The following PAK5 variants were observed in gnomAD, a reference collection of about 807,000 sequenced individuals.
PAK5 encodes the protein serine/threonine-protein kinase PAK 5.
In PAK5, 16 loss-of-function variants were observed where a neutral mutation model predicts 65.9. The observed-to-expected ratio is 0.24, with a 90% CI of 0.16 to 0.37. The LOEUF (loss-of-function observed/expected upper bound fraction) is 0.37, where lower values mean the gene tolerates loss of function less well. PAK5 is among the 10% of genes least tolerant of loss of function. The pLI is 1.00. For synonymous variants in PAK5, 371 were observed against 354.9 expected, an observed-to-expected ratio of 1.05 and a Z score of -0.51; for missense variants, 785 against 903.9, an observed-to-expected ratio of 0.87 and a Z score of 1.69.
At chr20:9,708,167 G>C (rs1425539498) in intron 2 of PAK5, among the ~76,000 whole-genome samples, 1 of 152,116 alleles carries the variant, frequency 6.6e-6, no homozygotes, top group Non-Finnish European at 1.5e-5. Flanking sequence ...TAATAGATGA[G>C]TGTCAGAAAA....
At chr20:9,718,216 G>A (rs2048172685) in intron 1 of PAK5, among the ~76,000 whole-genome samples, 1 of 151,718 alleles carries the variant, frequency 6.6e-6, no homozygotes, top group African/African-American at 2.4e-5. Flanking sequence ...AAAATTCTAT[G>A]GTATATAAAA....
chr20:9,641,359 AGT>A lies in PAK5; in HGVS notation c.204+2764_204+2765del, dbSNP rs549911191. 7.5e-3 allele frequency among the ~76,000 whole-genome samples: 1,121 copies of A among 149,206 alleles called. 26 individuals carry two copies. Among genetic ancestry groups the A allele is most frequent in the African/African-American group, 0.027 (1,051 of 39,342 alleles). ...GCCCCACCAGAGCAGCTAGATACAG[AGT>A]GTCGACTGGTGCACTCACAAACCTT... On this transcript the variant is annotated intron_variant, in intron 3 of 9. Transcript: ENST00000353224.
chr20:9,603,786 T>C lies in PAK5; in HGVS notation c.205-22856A>G, dbSNP rs184900971. On this transcript the variant is annotated intron_variant, in intron 3 of 9. Transcript: ENST00000353224. ...TAATCTCCATAACAACCGTATGAGA[T>C]TTGCACTATTATCCCCATTTTACAG... is the stretch of plus-strand genomic sequence containing the variant. Among the ~76,000 whole-genome samples the C allele has an allele frequency of 5.9e-5, 9 of 152,242 alleles. 1 individual carries two copies.
At chr20:9,724,493 A>G (rs2048253605) in intron 1 of PAK5, among the ~76,000 whole-genome samples, 1 of 152,204 alleles carries the variant, frequency 6.6e-6, no homozygotes, top group Non-Finnish European at 1.5e-5. Flanking sequence ...CCCTAGAAAT[A>G]TGTTCACATG....
intron 3 of PAK5, among the ~76,000 whole-genome samples, chr20:9,636,335 T>C (rs17408288): frequency 0.029 from 4,440 of 152,174 alleles, 77 homozygotes; most frequent in Non-Finnish European, 0.045. Context: ...TAAACTACGA[T>C]GGGAGAGAAA....
chr20:9,747,276 T>C (rs2048519464), intron 1 of PAK5, among the ~76,000 whole-genome samples: 1 of 152,088 alleles, frequency 6.6e-6, no homozygotes, highest in African/African-American at 2.4e-5. Context: ...ACTGGTACCA[T>C]TCCTTCTGAA....
At chr20:9,767,910 A>T (rs1264832567) in intron 1 of PAK5, among the ~76,000 whole-genome samples, 1 of 152,196 alleles carries the variant, frequency 6.6e-6, no homozygotes, top group Non-Finnish European at 1.5e-5. Flanking sequence ...GCACCAGGGA[A>T]TACTATGCAA....
intron 1 of PAK5, among the ~76,000 whole-genome samples, chr20:9,752,733 T>C (rs6056842): frequency 0.039 from 5,989 of 152,224 alleles, 401 homozygotes; most frequent in African/African-American, 0.13. Context: ...AGGCAGACTG[T>C]AAAAATGACC....
intron 1 of PAK5, among the ~76,000 whole-genome samples, chr20:9,773,582 G>A (rs1347326091): frequency 6.6e-6 from 1 of 152,044 alleles, no homozygotes; most frequent in Non-Finnish European, 1.5e-5. Context: ...GACTTGATGT[G>A]GCTAGGAAGT....
intron 1 of PAK5, among the ~76,000 whole-genome samples, chr20:9,817,992 T>C (rs1315709236): frequency 6.6e-6 from 1 of 152,162 alleles, no homozygotes; most frequent in Non-Finnish European, 1.5e-5. Flanking sequence ...CTAAAACAAA[T>C]ACTCAACTCC....
chr20:9,788,773 T>C (rs1028957632), intron 1 of PAK5, among the ~76,000 whole-genome samples: 1 of 152,136 alleles, frequency 6.6e-6, no homozygotes, highest in African/African-American at 2.4e-5. Flanking sequence ...ACAAAGGGGT[T>C]CCAAGATTCA....
intron 2 of PAK5, among the ~76,000 whole-genome samples, chr20:9,645,975 T>G (rs923515095): frequency 1.3e-5 from 2 of 152,228 alleles, no homozygotes; most frequent in Admixed American, 6.5e-5. Context: ...TCAGTGTCTG[T>G]TTTAACTACT....
At chr20:9,811,665 T>A (rs2049299894) in intron 1 of PAK5, among the ~76,000 whole-genome samples, 1 of 152,214 alleles carries the variant, frequency 6.6e-6, no homozygotes, top group South Asian at 2.1e-4. Context: ...TATCTATATA[T>A]TCAAATTATG....
chr20:9,664,570 C>T (rs2047387689), intron 2 of PAK5, among the ~76,000 whole-genome samples: 2 of 152,142 alleles, frequency 1.3e-5, no homozygotes, highest in Admixed American at 6.5e-5. Flanking sequence ...TGTCAGATAG[C>T]CTTTAACCCT....
At chr20:9,678,714 A>G (rs990843666) in intron 2 of PAK5, among the ~76,000 whole-genome samples, 2 of 152,164 alleles carry the variant, frequency 1.3e-5, no homozygotes, top group African/African-American at 4.8e-5. Context: ...CCTTCTTCAC[A>G]TGGACAGAGA....
chr20:9,738,347 C>T (rs543895809), intron 1 of PAK5, among the ~76,000 whole-genome samples: 1 of 152,154 alleles, frequency 6.6e-6, no homozygotes, highest in African/African-American at 2.4e-5. Flanking sequence ...AGCATATTCC[C>T]ATACAAAGGC....
intron 1 of PAK5, among the ~76,000 whole-genome samples, chr20:9,789,796 C>T (rs1363992674): frequency 6.6e-6 from 1 of 152,124 alleles, no homozygotes; most frequent in East Asian, 1.9e-4. Flanking sequence ...CCCTTAACCT[C>T]CAGTGATGGT....
Position 9,538,309 on chromosome 20 carries a change from A to C in PAK5, c.*1153T>G, listed in dbSNP as rs1413395264. ...ACCCTCTTGCTAATTCATCCTCTAG[A>C]GTCAGTTCAGACTTCCAGCACGATA... On this transcript the variant is annotated 3_prime_UTR_variant, in exon 10 of 10. Coordinates refer to ENST00000353224, the MANE Select transcript of PAK5 (RefSeq NM_177990.4). 8.6e-6 allele frequency: 2 copies of C among 233,710 alleles called. No homozygotes were observed. Among genetic ancestry groups the C allele is most frequent in the Non-Finnish European group, 8.5e-6 (1 of 118,058 alleles). The allele number at this position is 233,710 out of a possible 1,614,324, so 14.5% of individuals were successfully genotyped here. A position where few individuals can be genotyped will look rare whatever the true frequency, so the allele number is the denominator to read the frequency against.
At position 9,641,283 on chromosome 20, in the gene PAK5, T is replaced by C. The variant is rs1290760247; in HGVS notation, c.204+2842A>G. Among the ~76,000 whole-genome samples, 65 of 149,502 alleles carry C rather than the reference T, an allele frequency of 4.3e-4. No individual in the cohort carries two copies. In the East Asian group the frequency reaches 0.012, roughly 28 times the overall value. ...TACAAACCTTGAGCTAGATACAGAG[T>C]GCCGATTGGTGTATTTACAATCCCT... is the stretch of plus-strand genomic sequence containing the variant. On this transcript the variant is annotated intron_variant, in intron 3 of 9. Coordinates refer to ENST00000353224, the MANE Select transcript of PAK5 (RefSeq NM_177990.4).
Sources: gnomAD v4.1 joint callset for allele counts (sites outside exome capture counted in the v4.1 genomes callset) on GRCh38, gnomAD v4.1.1 for gene constraint, MANE v1.5 for transcripts, NCBI Gene and HGNC (gene_info 2026-07-23, HGNC 2026-07-21) for gene names.